Variants in MICU2 observed in about 807,000 individuals in gnomAD.
MICU2 encodes calcium uptake protein 2, mitochondrial.
Under a neutral mutation model 60.4 loss-of-function variants are expected in MICU2, and 64 were observed. The observed-to-expected ratio is 1.06, with a 90% CI of 0.87 to 1.31. The LOEUF is 1.31. MICU2 is among the 50% of genes most tolerant of loss of function. The pLI is 0.00. For synonymous variants in MICU2, 201 were observed against 175.0 expected, an observed-to-expected ratio of 1.15 and a Z score of -1.17; for missense variants, 569 against 531.0, an observed-to-expected ratio of 1.07 and a Z score of -0.70.
At position 21,603,933 on chromosome 13, in the gene MICU2, C is replaced by CT. The variant is rs777629122; in HGVS notation, c.210+5dup. The stretch of plus-strand genomic sequence containing the variant: ...CTGGGGCTAGCAGAAGGAGTTAGTC[C>CT]TGTACCTGTGCGGAGACTGTAAAAC... On this transcript the variant is annotated splice_donor_region_variant and intron_variant, in intron 1 of 11. Transcript: ENST00000382374. The CT allele has an allele frequency of 1.9e-6, 3 of 1,612,328 alleles. No individual in the cohort carries two copies. Among genetic ancestry groups the CT allele is most frequent in the Admixed American group, 1.7e-5 (1 of 59,974 alleles).
At chr13:21,578,759 T>C (rs1056430684) in intron 1 of MICU2, among the ~76,000 whole-genome samples, 1 of 152,194 alleles carries the variant, frequency 6.6e-6, no homozygotes, top group Non-Finnish European at 1.5e-5. Flanking sequence ...AGGGGCCCTT[T>C]AGTTTCCCTT....
At chr13:21,528,789 G>A (rs978542762) in intron 4 of MICU2, among the ~76,000 whole-genome samples, 4 of 152,194 alleles carry the variant, frequency 2.6e-5, no homozygotes, top group South Asian at 2.1e-4. Context: ...AAAGAATGAT[G>A]AGAATGCAGG....
intron 11 of MICU2, 100 bp from the exon 12 acceptor site, chr13:21,493,453 C>A: frequency 2.6e-6 from 2 of 755,996 alleles, no homozygotes; most frequent in African/African-American, 1.8e-5. Context: ...CCACACTCCT[C>A]CAAAAATAGT....
intron 1 of MICU2, among the ~76,000 whole-genome samples, chr13:21,598,883 G>T (rs113641218): frequency 0.023 from 3,456 of 151,988 alleles, 141 homozygotes; most frequent in African/African-American, 0.08. Flanking sequence ...ACAACACAGG[G>T]GTCCCTAACC....
chr13:21,540,853 T>G (rs973356351), intron 2 of MICU2, among the ~76,000 whole-genome samples: 1 of 152,142 alleles, frequency 6.6e-6, no homozygotes, highest in African/African-American at 2.4e-5. Context: ...TGAGTGAATG[T>G]GTATATAATA....
chr13:21,593,571 C>CAAAAAAAAAAAAAAAAAAA (rs71093338), intron 1 of MICU2, among the ~76,000 whole-genome samples: 4 of 63,026 alleles, frequency 6.3e-5, no homozygotes, highest in Non-Finnish European at 8.0e-5. Flanking sequence ...CAATCCTAAG[C>CAAAAAAAAAAAAAAAAAAA]AAAAAAAAAA....
At chr13:21,537,073 T>C (rs1015442831) in intron 4 of MICU2, among the ~76,000 whole-genome samples, 2 of 152,218 alleles carry the variant, frequency 1.3e-5, no homozygotes, top group African/African-American at 4.8e-5. Context: ...CTTTTTTCTA[T>C]TCCTGGAGTT....
At chr13:21,545,531 A>C (rs908974896) in intron 2 of MICU2, among the ~76,000 whole-genome samples, 5 of 151,954 alleles carry the variant, frequency 3.3e-5, no homozygotes, top group Non-Finnish European at 5.9e-5. Context: ...AAAATACAAA[A>C]ATTGATGGGT....
At chr13:21,584,828 T>C (rs1456062054) in intron 1 of MICU2, among the ~76,000 whole-genome samples, 1 of 152,238 alleles carries the variant, frequency 6.6e-6, no homozygotes, top group Non-Finnish European at 1.5e-5. Flanking sequence ...TAGTGGCTTA[T>C]GGTGTGTTTA....
chr13:21,598,984 C>G (rs1226581638), intron 1 of MICU2, among the ~76,000 whole-genome samples: 1 of 152,112 alleles, frequency 6.6e-6, no homozygotes, highest in Admixed American at 6.5e-5. Flanking sequence ...GCATTACCAC[C>G]TGAGCTCCAC....
At chr13:21,577,388 C>T (rs1461625417) in intron 1 of MICU2, among the ~76,000 whole-genome samples, 1 of 151,752 alleles carries the variant, frequency 6.6e-6, no homozygotes, top group Non-Finnish European at 1.5e-5. Context: ...AGCTTGGTGG[C>T]TCATGTCTGT....
At chr13:21,531,429 T>G (rs1299218637) in intron 4 of MICU2, 2 of 734,284 alleles carry the variant, frequency 2.7e-6, no homozygotes, top group African/African-American at 3.6e-5. Context: ...GGTGTCAAAG[T>G]GCATCACACA....
intron 1 of MICU2, among the ~76,000 whole-genome samples, chr13:21,587,147 C>T (rs539142009): frequency 5.1e-4 from 77 of 152,254 alleles, no homozygotes; most frequent in Admixed American, 2.4e-3. Flanking sequence ...GTATTCAAGG[C>T]ACCAGCTTTC....
chr13:21,525,060 G>A (rs965855570), intron 4 of MICU2, among the ~76,000 whole-genome samples: 22 of 151,844 alleles, frequency 1.4e-4, no homozygotes, highest in African/African-American at 3.9e-4. Context: ...TGTGGTTACT[G>A]TGAATAATGC....
intron 8 of MICU2, among the ~76,000 whole-genome samples, chr13:21,504,340 G>A (rs1387246052): frequency 2.0e-5 from 3 of 151,958 alleles, no homozygotes; most frequent in African/African-American, 7.2e-5. Flanking sequence ...GCAAGCAGAA[G>A]ATAGGGCATA....
chr13:21,511,809 T>C lies in MICU2; in HGVS notation c.664-1708A>G, dbSNP rs575005185. On this transcript the variant is annotated intron_variant, in intron 7 of 11. Transcript: ENST00000382374. ...CATACAGTTTGTAACTTTCAGGAAC[T>C]GGCATTTTTTTTTTTTTCCCAGCAT... Among the ~76,000 whole-genome samples the C allele has an allele frequency of 3.3e-5, 5 of 151,972 alleles. No homozygotes were observed. The South Asian group carries it at 1.0e-3, about 32-fold the overall frequency.
At chr13:21,537,444 A>C (rs188906367) in intron 4 of MICU2, among the ~76,000 whole-genome samples, 117 of 149,492 alleles carry the variant, frequency 7.8e-4, no homozygotes, top group African/African-American at 2.8e-3. Context: ...GCTCAGACCT[A>C]CTATATCCAA....
intron 9 of MICU2, among the ~76,000 whole-genome samples, chr13:21,501,505 G>A (rs909738055): frequency 7.9e-5 from 12 of 152,074 alleles, no homozygotes; most frequent in African/African-American, 2.2e-4. Flanking sequence ...CTCATGATCT[G>A]CCCGCCTTGG....
intron 10 of MICU2, 57 bp from the exon 11 acceptor site, chr13:21,495,375 A>G: frequency 7.3e-7 from 1 of 1,369,492 alleles, no homozygotes; most frequent in East Asian, 2.5e-5. Flanking sequence ...AAGTGAAATT[A>G]ATCTAAATTT....
Sources: gnomAD v4.1 joint callset for allele counts (sites outside exome capture counted in the v4.1 genomes callset) on GRCh38, gnomAD v4.1.1 for gene constraint, MANE v1.5 for transcripts, NCBI Gene and HGNC (gene_info 2026-07-23, HGNC 2026-07-21) for gene names.